Variants in ASCC3 observed in about 807,000 individuals in gnomAD.
ASCC3 encodes activating signal cointegrator 1 complex subunit 3.
Under a neutral mutation model 256.3 loss-of-function variants are expected in ASCC3, and 158 were observed. The ratio of observed to expected loss-of-function variants is 0.62; its 90% CI spans 0.54 to 0.70. ASCC3 has a LOEUF of 0.70. ASCC3 is among the 30% of genes least tolerant of loss of function. The pLI, the probability that ASCC3 is intolerant of heterozygous loss-of-function variation, is 0.00. For synonymous variants in ASCC3, 948 were observed against 883.4 expected (o/e 1.07, Z -1.30); for missense variants, 2,259 against 2,626.0 (o/e 0.86, Z 3.05).
chr6:100,687,358 AG>A (rs1777626467), intron 13 of ASCC3, among the ~76,000 whole-genome samples: 1 of 151,846 alleles, frequency 6.6e-6, no homozygotes, highest in African/African-American at 2.4e-5. Context: ...AATCTTTAAT[AG>A]TTTTTTGTTT....
In ASCC3 at chr6:100,661,359, A is replaced by AC. The variant is rs1491295311; in HGVS notation, c.2703+446_2703+447insG. 6.0e-3 allele frequency among the ~76,000 whole-genome samples: 903 copies of AC among 149,990 alleles called. 11 individuals are homozygous for AC. Among genetic ancestry groups the AC allele is most frequent in the East Asian group, 0.041 (209 of 5,066 alleles). On this transcript the variant is annotated intron_variant, in intron 16 of 41. Coordinates refer to ENST00000369162, the MANE Select transcript of ASCC3 (RefSeq NM_006828.4). Reference sequence around the variant, plus strand: ...CACACACACACACACACACACACACAAAACAAATGATCATAATCTAGCTCA... The same window carrying AC: ...CACACACACACACACACACACACACACAAACAAATGATCATAATCTAGCTCA...
chr6:100,874,831 A>T (rs1433090789), intron 1 of ASCC3, among the ~76,000 whole-genome samples: 1 of 152,086 alleles, frequency 6.6e-6, no homozygotes, highest in Non-Finnish European at 1.5e-5. Context: ...GCTGAGCTTG[A>T]GCTGAGACTT....
intron 36 of ASCC3, among the ~76,000 whole-genome samples, chr6:100,588,228 A>T (rs1771806988): frequency 6.6e-6 from 1 of 152,190 alleles, no homozygotes; most frequent in African/African-American, 2.4e-5. Context: ...TAAAGTTCTT[A>T]ATGTCTAGCT....
intron 8 of ASCC3, among the ~76,000 whole-genome samples, chr6:100,793,828 A>G (rs1769470084): frequency 6.6e-6 from 1 of 152,160 alleles, no homozygotes; most frequent in Non-Finnish European, 1.5e-5. Context: ...GCCTACATTC[A>G]GGGGTCTTGC....
At chr6:100,700,076 C>T (rs1341409281) in intron 13 of ASCC3, among the ~76,000 whole-genome samples, 1 of 152,044 alleles carries the variant, frequency 6.6e-6, no homozygotes, top group Non-Finnish European at 1.5e-5. Context: ...TGTTAGTCAC[C>T]AAGACAAAGG....
At chr6:100,655,948 A>G in intron 16 of ASCC3, 130 bp from the exon 17 acceptor site, 8 of 1,025,584 alleles carry the variant, frequency 7.8e-6, no homozygotes. Flanking sequence ...AGGTAGGCAT[A>G]GTGACTGGAC....
chr6:100,697,487 G>A (rs1000246074), intron 13 of ASCC3, among the ~76,000 whole-genome samples: 7 of 151,762 alleles, frequency 4.6e-5, no homozygotes, highest in Admixed American at 2.6e-4. Context: ...TAGCTTCACT[G>A]TCCTGGTTTA....
intron 4 of ASCC3, among the ~76,000 whole-genome samples, chr6:100,822,472 G>T (rs1771094203): frequency 6.6e-6 from 1 of 151,328 alleles, no homozygotes; most frequent in South Asian, 2.1e-4. Context: ...GGAAGACAGA[G>T]GTTGCAGTGA....
At chr6:100,846,554 C>T (rs1037593586) in intron 4 of ASCC3, among the ~76,000 whole-genome samples, 7 of 152,110 alleles carry the variant, frequency 4.6e-5, no homozygotes, top group South Asian at 2.1e-4. Context: ...CTTAACAAGG[C>T]GCTCAGCCCT....
chr6:100,708,597 G>C (rs1036000600), intron 13 of ASCC3, among the ~76,000 whole-genome samples: 1 of 151,990 alleles, frequency 6.6e-6, no homozygotes. Flanking sequence ...TATTTGGAGC[G>C]GGGAGAGCCA....
intron 13 of ASCC3, among the ~76,000 whole-genome samples, chr6:100,702,768 C>A (rs1017498658): frequency 6.6e-6 from 1 of 152,078 alleles, no homozygotes; most frequent in Non-Finnish European, 1.5e-5. Flanking sequence ...CAACCTCCAC[C>A]TAATCTATTG....
At chr6:100,574,389 G>T (rs1173980170) in intron 36 of ASCC3, among the ~76,000 whole-genome samples, 1 of 151,992 alleles carries the variant, frequency 6.6e-6, no homozygotes, top group Non-Finnish European at 1.5e-5. Flanking sequence ...CATTCAAAAG[G>T]TTCCCGGGAG....
chr6:100,682,658 C>A (rs1777364886), intron 13 of ASCC3, among the ~76,000 whole-genome samples: 1 of 152,198 alleles, frequency 6.6e-6, no homozygotes, highest in South Asian at 2.1e-4. Flanking sequence ...ACCAGGAATA[C>A]TATGATAACT....
intron 10 of ASCC3, among the ~76,000 whole-genome samples, chr6:100,756,607 A>C (rs1781190810): frequency 6.6e-6 from 1 of 152,120 alleles, no homozygotes; most frequent in East Asian, 1.9e-4. Context: ...TAGTAACGTT[A>C]TACATGTATA....
intron 37 of ASCC3, among the ~76,000 whole-genome samples, chr6:100,520,424 C>T (rs1031118280): frequency 4.6e-5 from 7 of 150,942 alleles, no homozygotes; most frequent in African/African-American, 2.5e-5. Context: ...TCCTTCTTCT[C>T]CTTCTTCTTC....
At chr6:100,652,608 A>G (rs978552462) in intron 18 of ASCC3, 117 bp downstream of exon 18, 29 of 1,131,678 alleles carry the variant, frequency 2.6e-5, no homozygotes, top group Non-Finnish European at 3.7e-5. Context: ...TTGAATTCAT[A>G]TAAGTTAAAT....
chr6:100,620,108 C>T (rs940023932), intron 30 of ASCC3, among the ~76,000 whole-genome samples: 1 of 152,118 alleles, frequency 6.6e-6, no homozygotes, highest in Non-Finnish European at 1.5e-5. Context: ...ATCTGAATGT[C>T]ACCTCCTATG....
At chr6:100,682,693 C>T (rs1777367757) in intron 13 of ASCC3, among the ~76,000 whole-genome samples, 1 of 152,224 alleles carries the variant, frequency 6.6e-6, no homozygotes, top group Non-Finnish European at 1.5e-5. Flanking sequence ...TAAATTCATA[C>T]ATTACTGTTA....
At chr6:100,518,703 A>G (rs897689543) in intron 37 of ASCC3, among the ~76,000 whole-genome samples, 2 of 152,190 alleles carry the variant, frequency 1.3e-5, no homozygotes, top group African/African-American at 4.8e-5. Context: ...GAAGCTATTC[A>G]TATTAGTCTA....
Sources: allele counts gnomAD v4.1 joint callset (sites outside exome capture counted in the v4.1 genomes callset), GRCh38; gene constraint gnomAD v4.1.1; transcripts MANE v1.5; gene names NCBI Gene and HGNC (gene_info 2026-07-23, HGNC 2026-07-21).